ZNF423: variants seen among roughly 807,000 people sequenced by gnomAD.
The protein encoded by ZNF423 is Ebf-associated zinc finger protein.
A neutral mutation model predicts 95.8 loss-of-function variants in ZNF423; 12 were observed. The observed-to-expected ratio is 0.13, with a 90% CI of 0.08 to 0.20. ZNF423 has a LOEUF of 0.20. Ranked by LOEUF, ZNF423 falls within the 10% of genes least tolerant of loss-of-function variation. ZNF423 has a pLI of 1.00. For missense variants in ZNF423, 1,316 were observed against 1,737.1 expected, an observed-to-expected ratio of 0.76 and a Z score of 4.31; for synonymous variants, 749 against 711.9, an observed-to-expected ratio of 1.05 and a Z score of -0.83.
chr16:49,809,562 C>T (rs1201021042), intron 1 of ZNF423, among the ~76,000 whole-genome samples: 3 of 152,182 alleles, frequency 2.0e-5, no homozygotes, highest in Admixed American at 1.3e-4. Flanking sequence ...GAGAGGGGGA[C>T]TTTGGGGAAA....
At chr16:49,520,797 T>C (rs958500214) in intron 7 of ZNF423, among the ~76,000 whole-genome samples, 1 of 152,170 alleles carries the variant, frequency 6.6e-6, no homozygotes, top group Non-Finnish European at 1.5e-5. Context: ...AACACTCCAA[T>C]GCCTGAAAAA....
intron 1 of ZNF423, among the ~76,000 whole-genome samples, chr16:49,842,249 G>A (rs2035190226): frequency 9.9e-6 from 1 of 101,138 alleles, no homozygotes. Flanking sequence ...GAAGGGAGGG[G>A]AAAGGAGGGG....
chr16:49,656,023 C>T (rs1387554323), intron 3 of ZNF423, among the ~76,000 whole-genome samples: 1 of 152,010 alleles, frequency 6.6e-6, no homozygotes, highest in East Asian at 1.9e-4. Flanking sequence ...CCACCCCCAC[C>T]CTGGCTACCT....
intron 7 of ZNF423, among the ~76,000 whole-genome samples, chr16:49,518,952 C>T (rs1195918890): frequency 1.3e-5 from 2 of 152,138 alleles, no homozygotes; most frequent in Non-Finnish European, 2.9e-5. Context: ...TAGTCCCAGC[C>T]ACTCAGGAAG....
chr16:49,706,374 T>C (rs2032351024), intron 3 of ZNF423, among the ~76,000 whole-genome samples: 3 of 152,232 alleles, frequency 2.0e-5, no homozygotes, highest in African/African-American at 4.8e-5. Flanking sequence ...TGGCCACAGC[T>C]GCCTGGCCAA....
rs555122788 is a variant in ZNF423 at position 49,849,804 on chromosome 16, C to T, written c.40+5931G>A. 2.2e-4 allele frequency among the ~76,000 whole-genome samples: 34 copies of T among 152,232 alleles called. No homozygotes were observed. The South Asian group carries it at 5.0e-3, about 22-fold the overall frequency. On this transcript the variant is annotated intron_variant, in intron 1 of 7. Coordinates refer to ENST00000563137, the MANE Select transcript of ZNF423 (RefSeq NM_001379286.1). ...CAAAGTCAACTTGGTAACTGAGCTC[C>T]GACATTGTGTAATTGACTTTGCAAG...
At chr16:49,540,233 T>C (rs1178681112) in intron 5 of ZNF423, among the ~76,000 whole-genome samples, 1 of 152,176 alleles carries the variant, frequency 6.6e-6, no homozygotes, top group African/African-American at 2.4e-5. Context: ...AGTAAGTACC[T>C]CCAGTCACAG....
intron 7 of ZNF423, among the ~76,000 whole-genome samples, chr16:49,497,348 C>A (rs942590729): frequency 6.6e-6 from 1 of 152,184 alleles, no homozygotes; most frequent in East Asian, 1.9e-4. Flanking sequence ...AGCGCCCTCC[C>A]GTGAGGAGCT....
chr16:49,702,444 G>T (rs986797274), intron 3 of ZNF423, among the ~76,000 whole-genome samples: 1 of 152,210 alleles, frequency 6.6e-6, no homozygotes, highest in African/African-American at 2.4e-5. Context: ...CAGCTGTGAC[G>T]GCCCTTGTAT....
chr16:49,509,862 A>G (rs1043086686), intron 7 of ZNF423, among the ~76,000 whole-genome samples: 2 of 152,238 alleles, frequency 1.3e-5, no homozygotes, highest in Non-Finnish European at 2.9e-5. Context: ...ACTATGCCTC[A>G]GTCTCCCCAC....
chr16:49,798,498 ACT>A (rs1299773087), intron 1 of ZNF423, among the ~76,000 whole-genome samples: 15 of 152,232 alleles, frequency 9.9e-5, no homozygotes, highest in African/African-American at 3.6e-4. Flanking sequence ...ACAGAGCAAG[ACT>A]CTGTCTCAGA....
chr16:49,591,036 G>A (rs1174474138), intron 5 of ZNF423, among the ~76,000 whole-genome samples: 1 of 152,256 alleles, frequency 6.6e-6, no homozygotes, highest in Non-Finnish European at 1.5e-5. Flanking sequence ...GTAGAGACAT[G>A]TGTGCTGACA....
At chr16:49,749,403 GA>G (rs1045740028) in intron 2 of ZNF423, among the ~76,000 whole-genome samples, 1 of 151,970 alleles carries the variant, frequency 6.6e-6, no homozygotes, top group Non-Finnish European at 1.5e-5. Context: ...TTCCTTCCCA[GA>G]AAAAAACGAT....
At chr16:49,788,697 G>T (rs545827574) in intron 2 of ZNF423, among the ~76,000 whole-genome samples, 2 of 152,320 alleles carry the variant, frequency 1.3e-5, no homozygotes, top group Admixed American at 6.5e-5. Context: ...CCCAGGGCAG[G>T]CCTGGCCCAA....
chr16:49,622,608 C>T (rs1452082070), intron 5 of ZNF423, among the ~76,000 whole-genome samples: 1 of 152,236 alleles, frequency 6.6e-6, no homozygotes, highest in Non-Finnish European at 1.5e-5. Context: ...ACTGCAGTTA[C>T]CTGCATGCCC....
chr16:49,648,682 C>CT (rs1973274677), intron 3 of ZNF423, among the ~76,000 whole-genome samples: 1 of 151,256 alleles, frequency 6.6e-6, no homozygotes, highest in Non-Finnish European at 1.5e-5. Flanking sequence ...AAAAAAAACT[C>CT]TAAGAGATTT....
chr16:49,710,268 C>T (rs1424844567), intron 3 of ZNF423, among the ~76,000 whole-genome samples: 1 of 152,190 alleles, frequency 6.6e-6, no homozygotes, highest in Non-Finnish European at 1.5e-5. Flanking sequence ...CACCAAAATT[C>T]TTCTTCCACA....
chr16:49,501,500 A>G (rs1967399725), intron 7 of ZNF423, among the ~76,000 whole-genome samples: 1 of 152,216 alleles, frequency 6.6e-6, no homozygotes, highest in South Asian at 2.1e-4. Context: ...TTGAACTACC[A>G]TTCAACCCAG....
At chr16:49,803,863 T>C (rs1236386955) in intron 1 of ZNF423, among the ~76,000 whole-genome samples, 1 of 151,286 alleles carries the variant, frequency 6.6e-6, no homozygotes, top group Admixed American at 6.6e-5. Context: ...AGGTGGGGTC[T>C]CTGTCTCCAT....
Sources: gnomAD v4.1 joint callset for allele counts (sites outside exome capture counted in the v4.1 genomes callset) on GRCh38, gnomAD v4.1.1 for gene constraint, MANE v1.5 for transcripts, NCBI Gene and HGNC (gene_info 2026-07-23, HGNC 2026-07-21) for gene names.